The following MCM9 variants were observed in gnomAD, a reference collection of about 807,000 sequenced individuals.
MCM9 encodes minichromosome maintenance 9 homologous recombination repair factor.
A neutral mutation model predicts 72.8 loss-of-function variants in MCM9; 55 were observed. The observed-to-expected ratio is 0.76, with a 90% CI of 0.61 to 0.95. The LOEUF is 0.95. Ranked by LOEUF, MCM9 falls within the 40% of genes least tolerant of loss-of-function variation. MCM9 has a pLI of 0.00. For missense variants in MCM9, 1,279 were observed against 1,377.0 expected (o/e 0.93, Z 1.13); for synonymous variants, 480 against 503.4 (o/e 0.95, Z 0.62).
At chr6:118,841,847 T>C (rs1240883747) in intron 9 of MCM9, among the ~76,000 whole-genome samples, 1 of 151,838 alleles carries the variant, frequency 6.6e-6, no homozygotes, top group African/African-American at 2.4e-5. Context: ...TTTTTTTTTT[T>C]TTTTTGACAC....
intron 8 of MCM9, among the ~76,000 whole-genome samples, chr6:118,866,081 C>T (rs1007804834): frequency 2.2e-4 from 33 of 152,314 alleles, no homozygotes; most frequent in African/African-American, 7.7e-4. Context: ...AATCTGGCTC[C>T]TAACTTCCCT....
At chr6:118,851,817 C>G (rs903338009) in intron 9 of MCM9, among the ~76,000 whole-genome samples, 4 of 152,134 alleles carry the variant, frequency 2.6e-5, no homozygotes, top group African/African-American at 9.7e-5. Context: ...CACATTTTTG[C>G]ACAGTAATAC....
intron 8 of MCM9, among the ~76,000 whole-genome samples, chr6:118,867,517 C>A (rs1777292909): frequency 6.6e-6 from 1 of 152,122 alleles, no homozygotes; most frequent in Admixed American, 6.5e-5. Context: ...AATAAGTACC[C>A]TATGCAATTT....
chr6:118,922,184 G>C, intron 4 of MCM9, 98 bp from the exon 5 acceptor site: 1 of 854,758 alleles, frequency 1.2e-6, no homozygotes, highest in Non-Finnish European at 1.8e-6. Flanking sequence ...TATTTCTCTG[G>C]TATATCATAC....
intron 9 of MCM9, among the ~76,000 whole-genome samples, chr6:118,841,467 G>A (rs1482498099): frequency 6.6e-6 from 1 of 152,144 alleles, no homozygotes; most frequent in Admixed American, 6.5e-5. Flanking sequence ...AGGCAAACAG[G>A]GTGCTTGGGT....
Position 118,878,259 on chromosome 6 carries a change from C to T in MCM9, c.1151-21714G>A, listed in dbSNP as rs145485243. Among the ~76,000 whole-genome samples the T allele has an allele frequency of 2.1e-3, 315 of 152,026 alleles. 2 individuals are homozygous for T. The highest frequency in any genetic ancestry group is 7.4e-3 in the African/African-American group (308 of 41,458). ...TACTGATCAAAAAATACATAGTCTACAATTTAATTAATGTAAAGTTAAAAA... is the reference window on the plus strand; with the variant it reads ...TACTGATCAAAAAATACATAGTCTATAATTTAATTAATGTAAAGTTAAAAA... On this transcript the variant is annotated intron_variant, in intron 8 of 13. Transcript: ENST00000619706.
intron 8 of MCM9, among the ~76,000 whole-genome samples, chr6:118,892,772 TG>T (rs778159830): frequency 3.9e-5 from 6 of 152,186 alleles, no homozygotes; most frequent in Non-Finnish European, 7.3e-5. Context: ...TATATCTAAC[TG>T]TTCAATCCAC....
At chr6:118,895,224 C>T (rs1260864943) in intron 8 of MCM9, among the ~76,000 whole-genome samples, 2 of 151,888 alleles carry the variant, frequency 1.3e-5, no homozygotes, top group South Asian at 2.1e-4. Flanking sequence ...CGGCGCTCCC[C>T]GGGGGCCGTG....
intron 6 of MCM9, among the ~76,000 whole-genome samples, chr6:118,914,708 A>G (rs1780803900): frequency 6.6e-6 from 1 of 152,198 alleles, no homozygotes; most frequent in South Asian, 2.1e-4. Flanking sequence ...AAACAGCCCC[A>G]ACAAACAGGT....
intron 8 of MCM9, among the ~76,000 whole-genome samples, chr6:118,890,126 T>C (rs1480234488): frequency 6.6e-6 from 1 of 152,156 alleles, no homozygotes; most frequent in Non-Finnish European, 1.5e-5. Flanking sequence ...GGTCTCCTTC[T>C]CTCTCCCAGT....
chr6:118,866,200 T>G (rs1278669443), intron 8 of MCM9, among the ~76,000 whole-genome samples: 1 of 152,326 alleles, frequency 6.6e-6, no homozygotes, highest in South Asian at 2.1e-4. Context: ...CTTAAAATCT[T>G]TGGCCAGACA....
At chr6:118,928,726 C>T (rs886485864) in intron 3 of MCM9, among the ~76,000 whole-genome samples, 1 of 151,132 alleles carries the variant, frequency 6.6e-6, no homozygotes, top group African/African-American at 2.4e-5. Context: ...GTGGCACATG[C>T]CTGTAGTCCC....
intron 8 of MCM9, among the ~76,000 whole-genome samples, chr6:118,860,687 TA>T (rs200153358): frequency 4.6e-5 from 7 of 151,136 alleles, no homozygotes; most frequent in East Asian, 1.9e-4. Flanking sequence ...AATCAAAGAT[TA>T]AAAAAAAATC....
chr6:118,827,053 C>A (rs1373293626), intron 11 of MCM9, among the ~76,000 whole-genome samples, 189 bp from the exon 12 acceptor site: 1 of 152,184 alleles, frequency 6.6e-6, no homozygotes, highest in Non-Finnish European at 1.5e-5. Flanking sequence ...CCTAATCCTT[C>A]TGTGTAGCCC....
At chr6:118,823,834 G>A (rs1010326755) in intron 13 of MCM9, among the ~76,000 whole-genome samples, 1 of 151,436 alleles carries the variant, frequency 6.6e-6, no homozygotes, top group African/African-American at 2.4e-5. Context: ...ACATTAAAAT[G>A]TTAATGGTAT....
intron 8 of MCM9, among the ~76,000 whole-genome samples, chr6:118,873,233 A>G (rs1777729804): frequency 1.7e-5 from 2 of 119,788 alleles, no homozygotes; most frequent in African/African-American, 3.0e-5. Context: ...GGGAAGGGGA[A>G]AGGGAAAGGG....
intron 9 of MCM9, among the ~76,000 whole-genome samples, chr6:118,847,480 G>A (rs1164021148): frequency 2.1e-5 from 3 of 145,910 alleles, no homozygotes; most frequent in African/African-American, 5.1e-5. Context: ...AGAAAGGACC[G>A]ACAGGACTGA....
chr6:118,899,468 C>T (rs1057298332), intron 8 of MCM9, among the ~76,000 whole-genome samples: 10 of 152,092 alleles, frequency 6.6e-5, no homozygotes, highest in African/African-American at 2.4e-4. Context: ...TTCCCTCTGG[C>T]GAGATACTTA....
At chr6:118,903,142 TTA>T (rs1779919489) in intron 8 of MCM9, among the ~76,000 whole-genome samples, 1 of 152,134 alleles carries the variant, frequency 6.6e-6, no homozygotes, top group Non-Finnish European at 1.5e-5. Flanking sequence ...TAGAACCAAT[TTA>T]CTGAAGGGAA....
Sources: gnomAD v4.1 joint callset for allele counts (sites outside exome capture counted in the v4.1 genomes callset) on GRCh38, gnomAD v4.1.1 for gene constraint, MANE v1.5 for transcripts, NCBI Gene and HGNC (gene_info 2026-07-23, HGNC 2026-07-21) for gene names.